Variants in CSMD1 observed in about 807,000 individuals in gnomAD.
The protein encoded by CSMD1 is CUB and Sushi multiple domains 1.
Under a neutral mutation model 417.5 loss-of-function variants are expected in CSMD1, and 213 were observed. The ratio of observed to expected loss-of-function variants is 0.51; its 90% CI spans 0.46 to 0.57. The LOEUF (loss-of-function observed/expected upper bound fraction) is 0.57, where lower values mean the gene tolerates loss of function less well. Ranked by LOEUF, CSMD1 falls within the 20% of genes least tolerant of loss-of-function variation. The pLI is 0.00. For synonymous variants in CSMD1, 2,862 were observed against 1,736.8 expected (o/e 1.65, Z -16.11); for missense variants, 6,923 against 4,529.7 (o/e 1.53, Z -15.17).
intron 8 of CSMD1, among the ~76,000 whole-genome samples, chr8:3,604,266 C>G (rs543537539): frequency 2.7e-4 from 41 of 151,862 alleles, no homozygotes; most frequent in African/African-American, 9.7e-4. Flanking sequence ...CTGGTCAGTG[C>G]TAGAAAGTCA....
At chr8:4,619,842 A>T (rs1224051427) in intron 2 of CSMD1, among the ~76,000 whole-genome samples, 2 of 152,138 alleles carry the variant, frequency 1.3e-5, no homozygotes, top group Non-Finnish European at 2.9e-5. Flanking sequence ...TTGGAATTAA[A>T]TAATTCCATG....
rs913978246 is a variant in CSMD1 at position 4,294,902 on chromosome 8, G to A, written c.415+125051C>T. Among the ~76,000 whole-genome samples the A allele has an allele frequency of 1.3e-4, 20 of 151,640 alleles. 1 individual carries two copies. Among genetic ancestry groups the A allele is most frequent in the Non-Finnish European group, 1.0e-4 (7 of 67,902 alleles). On this transcript the variant is annotated intron_variant, in intron 3 of 69. Coordinates refer to ENST00000635120, the MANE Select transcript of CSMD1 (RefSeq NM_033225.6). Reference sequence around the variant, plus strand: ...TAGTAGCTGTCAATGTGTATGGAACGAAAGCCTCAGGTAACCATGTGGTCC... The same window carrying A: ...TAGTAGCTGTCAATGTGTATGGAACAAAAGCCTCAGGTAACCATGTGGTCC...
intron 7 of CSMD1, among the ~76,000 whole-genome samples, chr8:3,671,542 TATGATCATATATATGATC>T (rs1440036510): frequency 0.014 from 88 of 6,298 alleles, 10 homozygotes; most frequent in African/African-American, 0.022. Flanking sequence ...TATATATATA[TATGATCATATATATGATC>T]ATATATATAT....
intron 7 of CSMD1, among the ~76,000 whole-genome samples, chr8:3,658,399 T>C (rs1798236104): frequency 6.7e-6 from 1 of 150,338 alleles, no homozygotes; most frequent in Admixed American, 6.7e-5. Context: ...ATCCCAATCT[T>C]AAAAGTAAAT....
intron 50 of CSMD1, among the ~76,000 whole-genome samples, chr8:3,034,986 G>T (rs1238957621): frequency 1.3e-5 from 2 of 152,100 alleles, no homozygotes; most frequent in African/African-American, 2.4e-5. Context: ...TTCTGCCCAG[G>T]GATGGCCCTA....
intron 3 of CSMD1, among the ~76,000 whole-genome samples, chr8:4,331,308 CGG>C (rs1799855839): frequency 6.6e-6 from 1 of 152,000 alleles, no homozygotes; most frequent in Non-Finnish European, 1.5e-5. Flanking sequence ...TCATGCTGCA[CGG>C]TGGGTGCAAA....
At chr8:3,877,143 C>T (rs979886341) in intron 5 of CSMD1, among the ~76,000 whole-genome samples, 5 of 152,146 alleles carry the variant, frequency 3.3e-5, no homozygotes, top group Non-Finnish European at 7.4e-5. Context: ...TTGCACTTTC[C>T]CCATCCCTTC....
At chr8:4,179,905 G>C (rs949004450) in intron 3 of CSMD1, among the ~76,000 whole-genome samples, 5 of 152,078 alleles carry the variant, frequency 3.3e-5, no homozygotes, top group East Asian at 1.9e-4. Flanking sequence ...TTAGAATGGC[G>C]ATCATTAAAA....
At chr8:4,943,248 C>T (rs1158014205) in intron 1 of CSMD1, among the ~76,000 whole-genome samples, 1 of 152,126 alleles carries the variant, frequency 6.6e-6, no homozygotes, top group African/African-American at 2.4e-5. Flanking sequence ...GTAATCCCAG[C>T]ACTTTGGGCG....
chr8:4,264,484 C>T (rs1563357497), intron 3 of CSMD1, among the ~76,000 whole-genome samples: 1 of 152,124 alleles, frequency 6.6e-6, no homozygotes, highest in African/African-American at 2.4e-5. Context: ...TCTCATCGTT[C>T]TAGTTTACAA....
At chr8:4,277,738 T>C (rs1469593262) in intron 3 of CSMD1, among the ~76,000 whole-genome samples, 2 of 152,132 alleles carry the variant, frequency 1.3e-5, no homozygotes, top group Non-Finnish European at 2.9e-5. Flanking sequence ...ACCCATTCCC[T>C]AAATGTATTT....
chr8:3,749,925 G>C (rs1797249079), intron 6 of CSMD1, among the ~76,000 whole-genome samples: 1 of 152,212 alleles, frequency 6.6e-6, no homozygotes, highest in South Asian at 2.1e-4. Context: ...ACTCATTTCT[G>C]TTGGACGCAT....
chr8:3,021,745 ACCTG>A (rs1809421267), intron 51 of CSMD1, among the ~76,000 whole-genome samples: 1 of 118,994 alleles, frequency 8.4e-6, no homozygotes. Flanking sequence ...TCTGGAATGC[ACCTG>A]CAATCCCACA....
At chr8:3,127,300 C>CT (rs1817560896) in intron 41 of CSMD1, 1 of 152,172 alleles carries the variant, frequency 6.6e-6, no homozygotes, top group Non-Finnish European at 1.5e-5. Flanking sequence ...AAAACAGAGA[C>CT]TGAGTAAGCA....
chr8:4,529,592 G>A (rs868290232), intron 2 of CSMD1, among the ~76,000 whole-genome samples: 1 of 152,096 alleles, frequency 6.6e-6, no homozygotes, highest in African/African-American at 2.4e-5. Context: ...CTCCTTGGGG[G>A]CAGTGTTGCC....
chr8:3,420,295 G>A (rs1055545431), intron 12 of CSMD1, among the ~76,000 whole-genome samples: 5 of 151,698 alleles, frequency 3.3e-5, no homozygotes, highest in African/African-American at 1.2e-4. Context: ...ATACCAACCA[G>A]GACTCCTCAA....
chr8:3,058,916 T>C (rs1304323026), intron 49 of CSMD1, among the ~76,000 whole-genome samples: 3 of 152,222 alleles, frequency 2.0e-5, no homozygotes, highest in Admixed American at 2.0e-4. Context: ...AAGGGTTTAC[T>C]ACCCCTTGCT....
At chr8:4,016,925 T>G (rs929593927) in intron 4 of CSMD1, among the ~76,000 whole-genome samples, 1 of 152,204 alleles carries the variant, frequency 6.6e-6, no homozygotes, top group African/African-American at 2.4e-5. Flanking sequence ...ATCCCAATTG[T>G]TGAAATCTCA....
chr8:4,308,044 G>T (rs1180416460), intron 3 of CSMD1, among the ~76,000 whole-genome samples: 1 of 152,172 alleles, frequency 6.6e-6, no homozygotes, highest in Non-Finnish European at 1.5e-5. Context: ...GCCAGACATG[G>T]ATCTGACTTT....
Sources: gnomAD v4.1 joint callset for allele counts (sites outside exome capture counted in the v4.1 genomes callset) on GRCh38, gnomAD v4.1.1 for gene constraint, MANE v1.5 for transcripts, NCBI Gene and HGNC (gene_info 2026-07-23, HGNC 2026-07-21) for gene names.